TIA1: variants seen among roughly 807,000 people sequenced by gnomAD.
TIA1 encodes TIA1 cytotoxic granule associated RNA binding protein, also known as cytotoxic granule associated RNA binding protein TIA1.
In TIA1, 23 loss-of-function variants were observed where a neutral mutation model predicts 65.9. That is an observed-to-expected ratio of 0.35 (90% confidence interval 0.25 to 0.49). The LOEUF is 0.49. Ranked by LOEUF, TIA1 falls within the 20% of genes least tolerant of loss-of-function variation. The pLI is 0.98. For synonymous variants in TIA1, 147 were observed against 149.4 expected (o/e 0.98, Z 0.12); for missense variants, 371 against 477.9 (o/e 0.78, Z 2.09).
chr2:70,234,722 CG>C (rs1259469213), intron 2 of TIA1, among the ~76,000 whole-genome samples: 2 of 151,998 alleles, frequency 1.3e-5, no homozygotes, highest in Non-Finnish European at 2.9e-5. Context: ...CCACCATGTC[CG>C]GCTAATTTTG....
In TIA1 at chr2:70,210,431, CAA is replaced by C. The variant is rs1409910538; in HGVS notation, c.*2286_*2287del. The C allele has an allele frequency of 1.3e-5, 2 of 152,030 alleles. No homozygotes were observed. The highest frequency in any genetic ancestry group is 2.9e-5 in the Non-Finnish European group (2 of 67,990). The allele number at this position is 152,030 out of a possible 1,614,324, so 9.4% of individuals were successfully genotyped here. On this transcript the variant is annotated 3_prime_UTR_variant, in exon 13 of 13. Transcript: ENST00000433529. Reference sequence around the variant, plus strand: ...GAAAAACTAAGAGTAAGATTTAAACCAAAGATAGAGGTGTTCCTGAAATGTGA... The same window carrying C: ...GAAAAACTAAGAGTAAGATTTAAACCAGATAGAGGTGTTCCTGAAATGTGA...
chr2:70,212,289 A>C lies in TIA1; in HGVS notation c.*430T>G, dbSNP rs186075663. ...ATTGTGCACAAGCTGAAGATGACAA[A>C]CAACTTCTAGACTCTGCACAGTTTT... is the stretch of plus-strand genomic sequence containing the variant. On this transcript the variant is annotated 3_prime_UTR_variant, in exon 13 of 13. Transcript: ENST00000433529. 1 of 155,752 alleles carries C rather than the reference A, an allele frequency of 6.4e-6. No individual in the cohort carries two copies. Among genetic ancestry groups the C allele is most frequent in the African/African-American group, 2.4e-5 (1 of 41,570 alleles). 9.6% of individuals were successfully genotyped at this position (155,752 alleles called of 1,614,324 possible). A position where few individuals can be genotyped will look rare whatever the true frequency, so the allele number is the denominator to read the frequency against.
At chr2:70,216,751 A>T in intron 8 of TIA1, 135 bp downstream of exon 8, 1 of 1,594,316 alleles carries the variant, frequency 6.3e-7, no homozygotes, top group Non-Finnish European at 8.5e-7. Context: ...AAAACTAAGT[A>T]CATTTTTGAA....
intron 1 of TIA1, among the ~76,000 whole-genome samples, chr2:70,246,601 A>C (rs1322868929): frequency 2.6e-5 from 4 of 152,168 alleles, no homozygotes; most frequent in Admixed American, 6.5e-5. Flanking sequence ...AAAGTTGAGG[A>C]CAGGCCAGGC....
chr2:70,241,577 TC>T, intron 1 of TIA1, among the ~76,000 whole-genome samples: 1 of 152,002 alleles, frequency 6.6e-6, no homozygotes, highest in East Asian at 1.9e-4. Flanking sequence ...GTGACTTACT[TC>T]TAACCAACAG....
upstream of TIA1, chr2:70,248,696 C>T: frequency 1.8e-6 from 1 of 544,694 alleles, no homozygotes; most frequent in Non-Finnish European, 3.3e-6. Context: ...ATCTTGCACT[C>T]TCAACCTCCG....
chr2:70,238,774 G>T (rs1367898919), intron 1 of TIA1, among the ~76,000 whole-genome samples: 1 of 152,120 alleles, frequency 6.6e-6, no homozygotes, highest in South Asian at 2.1e-4. Context: ...GTTTAGATTA[G>T]GGGCAGTGGC....
intron 11 of TIA1, 194 bp downstream of exon 11, chr2:70,215,177 T>C (rs911194706): frequency 2.6e-5 from 16 of 625,976 alleles, no homozygotes; most frequent in Non-Finnish European, 3.7e-5. Context: ...CATGAGTCAA[T>C]TGAGGCGGTC....
chr2:70,246,177 G>GC (rs1038882421), intron 1 of TIA1, among the ~76,000 whole-genome samples: 1 of 152,094 alleles, frequency 6.6e-6, no homozygotes, highest in African/African-American at 2.4e-5. Context: ...ACCCTCCTCA[G>GC]CCCCCCAAAG....
intron 7 of TIA1, among the ~76,000 whole-genome samples, chr2:70,218,954 C>T (rs957730121): frequency 2.0e-5 from 3 of 152,088 alleles, no homozygotes; most frequent in African/African-American, 7.2e-5. Context: ...CTCTTAGGTT[C>T]CTCTAGAGAA....
chr2:70,215,620 G>T, intron 10 of TIA1, 126 bp from the exon 11 acceptor site: 3 of 876,702 alleles, frequency 3.4e-6, no homozygotes, highest in African/African-American at 1.7e-5. Flanking sequence ...TATTTTCTTT[G>T]CTATTTTTTT....
intron 6 of TIA1, 115 bp downstream of exon 6, chr2:70,227,620 A>C: frequency 1.5e-6 from 1 of 653,886 alleles, no homozygotes; most frequent in Non-Finnish European, 2.5e-6. Context: ...AATGTAATAC[A>C]TTATATTCAA....
chr2:70,232,933 G>C (rs558513713), intron 2 of TIA1, among the ~76,000 whole-genome samples: 1 of 151,746 alleles, frequency 6.6e-6, no homozygotes, highest in South Asian at 2.1e-4. Flanking sequence ...GTGATAAATA[G>C]AACCTGGATG....
At chr2:70,225,086 TA>T in intron 6 of TIA1, 2 of 994,278 alleles carry the variant, frequency 2.0e-6, no homozygotes, top group Non-Finnish European at 1.2e-6. Context: ...TTCCCTAAAC[TA>T]ATTAAACTAT....
intron 1 of TIA1, among the ~76,000 whole-genome samples, chr2:70,243,157 G>A (rs1007660782): frequency 3.3e-5 from 5 of 152,166 alleles, no homozygotes; most frequent in Admixed American, 6.6e-5. Context: ...CACCAGGCAC[G>A]GTGGCTCACA....
rs983790137 is a variant in TIA1 at position 70,209,934 on chromosome 2, C to A, written c.*2785G>T. 3 of 386,206 alleles carry A rather than the reference C, an allele frequency of 7.8e-6. No individual in the cohort carries two copies. The highest frequency in any genetic ancestry group is 2.1e-5 in the African/African-American group (1 of 48,314). 23.9% of individuals were successfully genotyped at this position (386,206 alleles called of 1,614,324 possible). ...AACACACAAATAAAAGGAAGATGTA[C>A]AAGCACAGGGACAAAACAGGAGGAA... On this transcript the variant is annotated 3_prime_UTR_variant, in exon 13 of 13. Transcript: ENST00000433529.
At chr2:70,216,555 G>A in intron 8 of TIA1, 56 bp from the exon 9 acceptor site, 1 of 1,524,312 alleles carries the variant, frequency 6.6e-7, no homozygotes, top group Non-Finnish European at 9.0e-7. Context: ...TGCAGAAAGA[G>A]AAAAGTAGCA....
chr2:70,225,273 T>G lies in TIA1; in HGVS notation c.399-644A>C, dbSNP rs144221576. 8.7e-3 allele frequency: 10,753 copies of G among 1,236,484 alleles called. 79 individuals carry two copies. The highest frequency in any genetic ancestry group is 9.8e-3 in the Non-Finnish European group (9,444 of 967,782). The allele number at this position is 1,236,484 out of a possible 1,614,324, so 76.6% of individuals were successfully genotyped here. A position where few individuals can be genotyped will look rare whatever the true frequency, so the allele number is the denominator to read the frequency against. On this transcript the variant is annotated intron_variant, in intron 6 of 12. Coordinates refer to ENST00000433529, the MANE Select transcript of TIA1 (RefSeq NM_022173.4). Reference sequence around the variant, plus strand: ...GCATTCATATAAAATTGATTGGAACTACAAGATATAAAAGCAAAATTTTAA... The same window carrying G: ...GCATTCATATAAAATTGATTGGAACGACAAGATATAAAAGCAAAATTTTAA...
Position 70,236,172 on chromosome 2 carries a change from G to T in TIA1, c.30C>A (p.Tyr10Ter), listed in dbSNP as rs532963050. ...TCACATCTCTGGAAAGGTTACCGAC[G>T]TATCTGAAACACAAAGAGAAACAAT... MEDEMPKTL[Y>*]VGNLSRDVTE... Residue 10 changes from tyrosine (Y) to a stop codon, truncating the protein, a stop_gained, in exon 2 of 13, where the codon TAC becomes TAA. Coordinates refer to ENST00000433529, the MANE Select transcript of TIA1 (RefSeq NM_022173.4). LOFTEE classifies it high-confidence loss of function. The T allele has an allele frequency of 6.3e-7, 1 of 1,595,836 alleles. No individual in the cohort carries two copies. The highest frequency in any genetic ancestry group is 8.6e-7 in the Non-Finnish European group (1 of 1,166,394).
Sources: gnomAD v4.1 joint callset for allele counts (sites outside exome capture counted in the v4.1 genomes callset) on GRCh38, gnomAD v4.1.1 for gene constraint, MANE v1.5 for transcripts, NCBI Gene and HGNC (gene_info 2026-07-23, HGNC 2026-07-21) for gene names.